ARSB: variants seen among roughly 807,000 people sequenced by gnomAD.
ARSB encodes the protein N-acetylgalactosamine-4-sulfatase.
In ARSB, 41 loss-of-function variants were observed where a neutral mutation model predicts 50.9. The ratio of observed to expected loss-of-function variants is 0.81; its 90% CI spans 0.63 to 1.04. The LOEUF (loss-of-function observed/expected upper bound fraction) is 1.04. ARSB is among the 50% of genes least tolerant of loss of function. The pLI is 0.00. For synonymous variants in ARSB, 269 were observed against 284.8 expected (o/e 0.94, Z 0.56); for missense variants, 672 against 693.3 (o/e 0.97, Z 0.35).
chr5:78,872,830 A>G (rs112253996), intron 5 of ARSB, among the ~76,000 whole-genome samples: 13 of 150,150 alleles, frequency 8.7e-5, no homozygotes, highest in East Asian at 5.8e-4. Flanking sequence ...AAAAAAAAAA[A>G]AAAGAAAGGG....
intron 4 of ARSB, among the ~76,000 whole-genome samples, chr5:78,945,784 T>A (rs76444605): frequency 0.011 from 1,620 of 152,200 alleles, 22 homozygotes; most frequent in African/African-American, 0.037. Context: ...TCCCTGTCTT[T>A]ATTTATGTTC....
chr5:78,846,688 T>C (rs1745460563), intron 5 of ARSB, among the ~76,000 whole-genome samples: 1 of 152,204 alleles, frequency 6.6e-6, no homozygotes, highest in Admixed American at 6.6e-5. Context: ...GATGATATCA[T>C]CTGCAAATAG....
intron 6 of ARSB, among the ~76,000 whole-genome samples, chr5:78,825,033 T>A (rs1744375521): frequency 6.6e-6 from 1 of 152,208 alleles, no homozygotes; most frequent in African/African-American, 2.4e-5. Context: ...AAAGTAGGCC[T>A]ACGGTCAGGA....
intron 6 of ARSB, among the ~76,000 whole-genome samples, chr5:78,834,289 A>G (rs1180439060): frequency 1.3e-5 from 2 of 152,062 alleles, no homozygotes; most frequent in African/African-American, 4.8e-5. Context: ...AAAATTTACT[A>G]TCCTAACCAC....
chr5:78,803,247 C>G (rs554602768), intron 6 of ARSB, among the ~76,000 whole-genome samples: 1 of 152,298 alleles, frequency 6.6e-6, no homozygotes, highest in Non-Finnish European at 1.5e-5. Flanking sequence ...TCCAGCCTCC[C>G]GACAGACAAT....
intron 6 of ARSB, among the ~76,000 whole-genome samples, chr5:78,822,044 A>G (rs1744251554): frequency 6.6e-6 from 1 of 152,242 alleles, no homozygotes; most frequent in Admixed American, 6.5e-5. Flanking sequence ...CTGAAGCAAA[A>G]AGACCTGAAA....
At chr5:78,930,913 C>G (rs11741182) in intron 4 of ARSB, among the ~76,000 whole-genome samples, 249 of 152,342 alleles carry the variant, frequency 1.6e-3, no homozygotes, top group Non-Finnish European at 3.2e-3. Context: ...CCCAGGCCCT[C>G]CACGGAAGAG....
chr5:78,884,605 CCAAA>C (rs1207146062), intron 5 of ARSB: 3 of 152,092 alleles, frequency 2.0e-5, no homozygotes, highest in Admixed American at 1.3e-4. Context: ...AGCTGTAACA[CCAAA>C]CAGAGGTTGA....
At chr5:78,913,018 A>G (rs1749374213) in intron 4 of ARSB, among the ~76,000 whole-genome samples, 1 of 152,144 alleles carries the variant, frequency 6.6e-6, no homozygotes, top group South Asian at 2.1e-4. Flanking sequence ...ATTCTGGAAG[A>G]CCATTTCCTG....
At chr5:78,805,731 G>C (rs1743533448) in intron 6 of ARSB, among the ~76,000 whole-genome samples, 1 of 152,236 alleles carries the variant, frequency 6.6e-6, no homozygotes, top group Non-Finnish European at 1.5e-5. Context: ...TCCAATGGAA[G>C]CAAATTTAAA....
intron 6 of ARSB, among the ~76,000 whole-genome samples, chr5:78,812,924 G>A (rs1024828401): frequency 2.4e-4 from 37 of 152,294 alleles, no homozygotes; most frequent in African/African-American, 7.7e-4. Flanking sequence ...CCAGGTGATC[G>A]AGGCTGCAGT....
chr5:78,863,325 C>T (rs1309266442), intron 5 of ARSB, among the ~76,000 whole-genome samples: 1 of 152,116 alleles, frequency 6.6e-6, no homozygotes, highest in Non-Finnish European at 1.5e-5. Context: ...TATTGCAGCA[C>T]TATTCACAAT....
In ARSB at chr5:78,839,355, C is replaced by G; in HGVS notation, c.1213+1G>C. 6.2e-7 allele frequency: 1 copy of G among 1,613,394 alleles called. No homozygotes were observed. The highest frequency in any genetic ancestry group is 8.5e-7 in the Non-Finnish European group (1 of 1,179,442). ...TCTAGTAGCAATGCACTGGTACTCA[C>G]ACGGTGAAGAGTCCACGAAGTTCGG... On this transcript the variant is annotated splice_donor_variant, in intron 6 of 7. Transcript: ENST00000264914. LOFTEE classifies it high-confidence loss of function.
chr5:78,889,633 C>T (rs947671628), intron 4 of ARSB, among the ~76,000 whole-genome samples: 2 of 152,160 alleles, frequency 1.3e-5, no homozygotes, highest in South Asian at 2.1e-4. Flanking sequence ...TTATTATTCA[C>T]TATTGAACAA....
At chr5:78,852,608 T>C (rs911153841) in intron 5 of ARSB, among the ~76,000 whole-genome samples, 4 of 152,190 alleles carry the variant, frequency 2.6e-5, no homozygotes, top group Admixed American at 6.6e-5. Flanking sequence ...TGGCCTGCCT[T>C]GCTAGATTGG....
intron 4 of ARSB, among the ~76,000 whole-genome samples, chr5:78,912,646 T>C (rs1365899971): frequency 6.6e-6 from 1 of 152,226 alleles, no homozygotes; most frequent in Non-Finnish European, 1.5e-5. Flanking sequence ...TCCCAATCAC[T>C]GCAACATTAA....
chr5:78,936,026 TC>T lies in ARSB; in HGVS notation c.898+19268del, dbSNP rs1208601363. ...TTCTTTCTGTCTTTCTCTCTGTCTCTCCCCCCCCACCTCCCTCCCTCTCTCT... is the reference window on the plus strand; with the variant it reads ...TTCTTTCTGTCTTTCTCTCTGTCTCTCCCCCCCACCTCCCTCCCTCTCTCT... On this transcript the variant is annotated intron_variant, in intron 4 of 7. Transcript: ENST00000264914. Among the ~76,000 whole-genome samples, 870 of 93,168 alleles carry T rather than the reference TC, an allele frequency of 9.3e-3. 13 individuals carry two copies. The highest frequency in any genetic ancestry group is 0.033 in the African/African-American group (778 of 23,360). The allele number at this position is 93,168 out of a possible 152,430, so 61.1% of individuals were successfully genotyped here. A position where few individuals can be genotyped will look rare whatever the true frequency, so the allele number is the denominator to read the frequency against.
At chr5:78,827,344 G>C (rs1744479955) in intron 6 of ARSB, among the ~76,000 whole-genome samples, 2 of 152,070 alleles carry the variant, frequency 1.3e-5, no homozygotes, top group Admixed American at 6.5e-5. Context: ...TAGTAACTGG[G>C]ACTACAGGTG....
intron 5 of ARSB, among the ~76,000 whole-genome samples, chr5:78,865,579 T>C (rs888866445): frequency 6.6e-6 from 1 of 152,240 alleles, no homozygotes; most frequent in Admixed American, 6.5e-5. Context: ...TGATTACTTA[T>C]GCAAATTTCC....
Sources: gnomAD v4.1 joint callset for allele counts (sites outside exome capture counted in the v4.1 genomes callset) on GRCh38, gnomAD v4.1.1 for gene constraint, MANE v1.5 for transcripts, NCBI Gene and HGNC (gene_info 2026-07-23, HGNC 2026-07-21) for gene names.